Variants in PCLO observed in about 807,000 individuals in gnomAD.
PCLO encodes the protein piccolo presynaptic cytomatrix protein, also known as protein piccolo.
In PCLO, 82 loss-of-function variants were observed where a neutral mutation model predicts 427.5. The ratio of observed to expected loss-of-function variants is 0.19; its 90% CI spans 0.16 to 0.23. The LOEUF (loss-of-function observed/expected upper bound fraction) is 0.23, where lower values mean the gene tolerates loss of function less well. Among genes scored for constraint, PCLO ranks in the 10% least tolerant of loss-of-function variants. The pLI is 1.00. For synonymous variants in PCLO, 2,357 were observed against 2,155.4 expected, an observed-to-expected ratio of 1.09 and a Z score of -2.59; for missense variants, 6,239 against 6,115.9, an observed-to-expected ratio of 1.02 and a Z score of -0.67.
intron 3 of PCLO, among the ~76,000 whole-genome samples, chr7:83,097,124 TATTATAC>T (rs1168174187): frequency 1.2e-5 from 1 of 84,268 alleles, no homozygotes; most frequent in South Asian, 3.1e-4. Context: ...TATATAAATA[TATTATAC>T]ATTATACATT....
At chr7:83,083,338 A>G (rs1247550402) in intron 3 of PCLO, among the ~76,000 whole-genome samples, 1 of 152,048 alleles carries the variant, frequency 6.6e-6, no homozygotes, top group Non-Finnish European at 1.5e-5. Flanking sequence ...ACAAAATCAA[A>G]TATGATCTCA....
In PCLO at chr7:82,952,024, C is replaced by A. The variant is rs1298662862; in HGVS notation, c.8929G>T (p.Asp2977Tyr). Residue 2977 changes from aspartate to tyrosine, a missense_variant, in exon 5 of 25, where the codon GAT becomes TAT. By Grantham distance (160) the Asp-to-Tyr change is radical. Around this residue, in one of 5 missense-constraint regions of PCLO, gnomAD observed 4,677 missense variants for 4,468.4 expected, o/e 1.05. Coordinates refer to ENST00000333891, the MANE Select transcript of PCLO (RefSeq NM_033026.6). Reference protein sequence around the residue: ...FGYRDDHYQYDRSGPYGYRGI... With the variant: ...FGYRDDHYQYYRSGPYGYRGI... ...CTATAACCATATGGCCCTGATCGAT[C>A]ATACTGATAGTGGTCATCCCTATAA... The A allele has an allele frequency of 1.9e-6, 3 of 1,613,856 alleles. No homozygotes were observed. Among genetic ancestry groups the A allele is most frequent in the Non-Finnish European group, 2.5e-6 (3 of 1,179,872 alleles).
intron 9 of PCLO, among the ~76,000 whole-genome samples, chr7:82,898,242 C>T (rs1186149833): frequency 6.6e-6 from 1 of 151,386 alleles, no homozygotes; most frequent in East Asian, 1.9e-4. Flanking sequence ...AAGGCAAATT[C>T]TGCCCTTGCA....
chr7:82,988,911 C>T (rs1024368354), intron 3 of PCLO, among the ~76,000 whole-genome samples: 15 of 151,426 alleles, frequency 9.9e-5, no homozygotes, highest in Admixed American at 2.0e-4. Context: ...CTCGGCTCAC[C>T]GCAACCTCTG....
intron 3 of PCLO, among the ~76,000 whole-genome samples, chr7:83,067,851 G>C (rs1789706257): frequency 7.1e-6 from 1 of 141,734 alleles, no homozygotes; most frequent in Non-Finnish European, 1.5e-5. Flanking sequence ...CCTGTGTAAA[G>C]AAAGGTCAGA....
At position 82,952,279 on chromosome 7, in the gene PCLO, T is replaced by A. The variant is rs1158531398; in HGVS notation, c.8674A>T (p.Ile2892Phe). 1.2e-5 allele frequency: 19 copies of A among 1,613,860 alleles called. No homozygotes were observed. Among genetic ancestry groups the A allele is most frequent in the African/African-American group, 4.0e-5 (3 of 74,938 alleles). Residue 2892 changes from isoleucine (I) to phenylalanine (F), a missense_variant, in exon 5 of 25, where the codon ATC becomes TTC. By Grantham distance (21) the Ile-to-Phe change is conservative (BLOSUM62 0). Transcript: ENST00000333891. ...GWTDSTVSQG[I>F]TDGEVVDLST... ...AGATCCACTACTTCCCCATCAGTGA[T>A]TCCCTGGGATACGGTGCTATCAGTC...
intron 3 of PCLO, among the ~76,000 whole-genome samples, chr7:82,970,394 G>C (rs1274257308): frequency 1.3e-5 from 2 of 151,860 alleles, no homozygotes; most frequent in African/African-American, 4.8e-5. Flanking sequence ...ACCTATGTTG[G>C]TAAAAATTAA....
At chr7:82,852,464 T>G (rs1167724925) in intron 10 of PCLO, among the ~76,000 whole-genome samples, 1 of 152,122 alleles carries the variant, frequency 6.6e-6, no homozygotes, top group Non-Finnish European at 1.5e-5. Context: ...GCCTTCATCT[T>G]TCTCTAGTGA....
At chr7:82,856,834 T>C (rs1259077461) in intron 10 of PCLO, among the ~76,000 whole-genome samples, 3 of 152,118 alleles carry the variant, frequency 2.0e-5, no homozygotes, top group Admixed American at 6.6e-5. Flanking sequence ...TAATTGCCAA[T>C]GTTATGGTAT....
chr7:82,922,840 G>T (rs1342377804), intron 6 of PCLO, among the ~76,000 whole-genome samples: 1 of 151,968 alleles, frequency 6.6e-6, no homozygotes, highest in Admixed American at 6.6e-5. Context: ...CCATCATACT[G>T]CTAGAGAGAC....
chr7:82,939,207 CTAAT>C (rs568992987), intron 6 of PCLO, among the ~76,000 whole-genome samples: 62 of 152,086 alleles, frequency 4.1e-4, no homozygotes, highest in Non-Finnish European at 7.8e-4. Flanking sequence ...ATGTAAATCT[CTAAT>C]TATTTTACAT....
intron 9 of PCLO, among the ~76,000 whole-genome samples, chr7:82,896,846 C>T (rs1216776658): frequency 6.6e-6 from 1 of 151,590 alleles, no homozygotes; most frequent in Non-Finnish European, 1.5e-5. Context: ...TCAAACTTAA[C>T]AACATTTTTA....
intron 10 of PCLO, among the ~76,000 whole-genome samples, chr7:82,861,630 A>G (rs187557139): frequency 6.6e-6 from 1 of 152,170 alleles, no homozygotes; most frequent in Admixed American, 6.6e-5. Context: ...GACCAAATGG[A>G]TCCAATAGAT....
intron 10 of PCLO, among the ~76,000 whole-genome samples, chr7:82,877,230 T>C (rs1452324226): frequency 6.6e-6 from 1 of 152,130 alleles, no homozygotes; most frequent in Non-Finnish European, 1.5e-5. Context: ...ACTGCGTTGA[T>C]ATTGTCTTTA....
At chr7:82,902,100 C>T (rs1235990166) in intron 9 of PCLO, among the ~76,000 whole-genome samples, 1 of 151,858 alleles carries the variant, frequency 6.6e-6, no homozygotes. Flanking sequence ...GACTATAAAT[C>T]ATGCTGCTAT....
At chr7:82,923,500 T>TA (rs762643452) in intron 6 of PCLO, among the ~76,000 whole-genome samples, 1 of 152,058 alleles carries the variant, frequency 6.6e-6, no homozygotes, top group Non-Finnish European at 1.5e-5. Context: ...TTAACTCCAA[T>TA]ACCATGTGAA....
chr7:83,125,904 A>AT (rs1791426789), intron 3 of PCLO, among the ~76,000 whole-genome samples: 1 of 152,204 alleles, frequency 6.6e-6, no homozygotes, highest in African/African-American at 2.4e-5. Context: ...AATTAAAAAA[A>AT]AATAAAAGAC....
intron 9 of PCLO, among the ~76,000 whole-genome samples, chr7:82,899,851 G>A (rs532523920): frequency 6.6e-6 from 1 of 151,596 alleles, no homozygotes; most frequent in South Asian, 2.1e-4. Context: ...TCTTAATATA[G>A]CGTAAAATAA....
rs573456576 is a variant in PCLO, at chr7:82,949,967, C to T, written c.10621G>A (p.Ala3541Thr). 1.2e-6 allele frequency: 2 copies of T among 1,613,464 alleles called. No homozygotes were observed. The highest frequency in any genetic ancestry group is 3.3e-5 in the Admixed American group (2 of 59,956). ...ATTTCTACCTTGGCATCCACTCGTG[C>T]CCGTATGGAGGGTGTTCTTATGGTT... Reference protein sequence around the residue: ...VGTIRTPSIRARVDAKVEIIK... With the variant: ...VGTIRTPSIRTRVDAKVEIIK... The change falls in exon 6 of 25, where the codon GCA (alanine) becomes ACA (threonine). Residue 3541 changes from alanine to threonine, a missense_variant. Around this residue, in one of 5 missense-constraint regions of PCLO, gnomAD observed 4,677 missense variants for 4,468.4 expected, o/e 1.05. Coordinates refer to ENST00000333891, the MANE Select transcript of PCLO (RefSeq NM_033026.6).
Sources: allele counts gnomAD v4.1 joint callset (sites outside exome capture counted in the v4.1 genomes callset), GRCh38; gene constraint gnomAD v4.1.1; regional missense constraint gnomAD v4.1.1; transcripts MANE v1.5; gene names NCBI Gene and HGNC (gene_info 2026-07-23, HGNC 2026-07-21).